The following RAD51B variants were observed in gnomAD, a reference collection of about 807,000 sequenced individuals.
RAD51B encodes the protein RAD51 paralog B.
A neutral mutation model predicts 42.2 loss-of-function variants in RAD51B; 38 were observed. The observed-to-expected ratio is 0.90, with a 90% CI of 0.70 to 1.18. The LOEUF is 1.18. RAD51B is among the 50% of genes most tolerant of loss of function. RAD51B has a pLI of 0.00. For synonymous variants in RAD51B, 154 were observed against 145.2 expected (o/e 1.06, Z -0.43); for missense variants, 373 against 400.7 (o/e 0.93, Z 0.59).
At chr14:68,638,196 CAT>C (rs1488574669) in intron 10 of RAD51B, among the ~76,000 whole-genome samples, 2 of 152,340 alleles carry the variant, frequency 1.3e-5, no homozygotes, top group South Asian at 2.1e-4. Context: ...CACATTCACA[CAT>C]GTGTAGGCCA....
chr14:68,600,453 A>G (rs886494758), downstream of RAD51B, among the ~76,000 whole-genome samples: 35 of 152,160 alleles, frequency 2.3e-4, no homozygotes, highest in Admixed American at 4.6e-4. Flanking sequence ...ATCCCACAGG[A>G]GCCAGCCCTC....
intron 7 of RAD51B, among the ~76,000 whole-genome samples, chr14:67,956,577 C>T (rs1030042414): frequency 2.6e-5 from 4 of 152,064 alleles, no homozygotes; most frequent in Admixed American, 6.5e-5. Context: ...TTCCTTTTCT[C>T]GAAAAGTATG....
chr14:68,331,134 C>T (rs1055864719), intron 8 of RAD51B, among the ~76,000 whole-genome samples: 10 of 151,822 alleles, frequency 6.6e-5, no homozygotes, highest in East Asian at 3.9e-4. Context: ...AAGGCCAAGG[C>T]GGGTAGATCA....
intron 7 of RAD51B, among the ~76,000 whole-genome samples, chr14:68,255,411 A>G (rs148287995): frequency 1.6e-3 from 245 of 152,284 alleles, no homozygotes; most frequent in African/African-American, 5.7e-3. Flanking sequence ...AAGCCCTTGT[A>G]CCCTGGTTCT....
chr14:68,187,020 C>T (rs938162499), intron 7 of RAD51B, among the ~76,000 whole-genome samples: 2 of 152,178 alleles, frequency 1.3e-5, no homozygotes, highest in African/African-American at 4.8e-5. Context: ...GAATACTATG[C>T]AGCCATAAAA....
At chr14:68,523,655 T>A (rs1470964464) in intron 10 of RAD51B, among the ~76,000 whole-genome samples, 1 of 152,178 alleles carries the variant, frequency 6.6e-6, no homozygotes, top group Non-Finnish European at 1.5e-5. Context: ...TGGGCTTTGA[T>A]GTCTACCCTC....
rs1304443564 is a variant in RAD51B, at chr14:68,351,498, A to G, written c.853+59518A>G. The stretch of plus-strand genomic sequence containing the variant: ...TCTAGAGGAGGAACAACCAGGAATC[A>G]AAGAAGCCCAAAGTAAATAACAAAT... On this transcript the variant is annotated intron_variant, in intron 8 of 10. Transcript: ENST00000471583. Among the ~76,000 whole-genome samples the G allele has an allele frequency of 5.3e-5, 8 of 152,240 alleles. No individual in the cohort carries two copies. The South Asian group carries it at 1.4e-3, about 28-fold the overall frequency.
At chr14:68,298,561 C>T (rs1469381450) in intron 8 of RAD51B, among the ~76,000 whole-genome samples, 1 of 152,102 alleles carries the variant, frequency 6.6e-6, no homozygotes, top group Non-Finnish European at 1.5e-5. Context: ...ATCTTTTTAC[C>T]GTCTAGAATT....
intron 7 of RAD51B, among the ~76,000 whole-genome samples, chr14:67,973,567 C>G: frequency 6.6e-6 from 1 of 152,038 alleles, no homozygotes; most frequent in South Asian, 2.1e-4. Flanking sequence ...AAAGAAAACC[C>G]AAATCCAAAC....
intron 7 of RAD51B, among the ~76,000 whole-genome samples, chr14:68,017,294 C>T (rs374663237): frequency 2.6e-5 from 4 of 152,054 alleles, no homozygotes; most frequent in African/African-American, 9.7e-5. Flanking sequence ...CTCCTAGGTT[C>T]AAGTTATTCT....
chr14:68,477,557 A>G (rs1882769640), intron 10 of RAD51B, 91 bp from the exon 11 acceptor site: 1 of 1,432,124 alleles, frequency 7.0e-7, no homozygotes. Flanking sequence ...CTGTTGGAGG[A>G]AAGTTCCATT....
chr14:68,111,291 T>C (rs1292898643), intron 7 of RAD51B, among the ~76,000 whole-genome samples: 1 of 152,092 alleles, frequency 6.6e-6, no homozygotes. Context: ...TGAAACGGTT[T>C]GCACACTAAA....
intron 10 of RAD51B, among the ~76,000 whole-genome samples, chr14:68,590,408 C>T (rs2140076009): frequency 6.6e-6 from 1 of 152,354 alleles, no homozygotes; most frequent in African/African-American, 2.4e-5. Flanking sequence ...CCTGTAACTG[C>T]CCCCAGCTTG....
At chr14:68,673,788 C>G (rs150821634) in intron 11 of RAD51B, among the ~76,000 whole-genome samples, 2,138 of 151,430 alleles carry the variant, frequency 0.014, 39 homozygotes, top group African/African-American at 0.05. Context: ...CATACACATA[C>G]TATATGCACA....
At chr14:68,468,038 GTTT>G (rs74865050) in intron 9 of RAD51B, 131 bp from the exon 10 acceptor site, 1 of 588,786 alleles carries the variant, frequency 1.7e-6, no homozygotes. Context: ...TTATAAAATG[GTTT>G]TTTTTTTTTT....
At chr14:68,246,304 A>G (rs868837705) in intron 7 of RAD51B, among the ~76,000 whole-genome samples, 5 of 147,708 alleles carry the variant, frequency 3.4e-5, no homozygotes, top group African/African-American at 1.0e-4. Flanking sequence ...GAAAGCCTTG[A>G]AAAAAAAAAA....
chr14:68,029,655 A>T (rs2076010041), intron 7 of RAD51B, among the ~76,000 whole-genome samples: 1 of 152,186 alleles, frequency 6.6e-6, no homozygotes, highest in Admixed American at 6.5e-5. Context: ...GTAATGCATG[A>T]CAGCTGGAAT....
intron 10 of RAD51B, among the ~76,000 whole-genome samples, chr14:68,529,666 C>G (rs1406307334): frequency 6.6e-6 from 1 of 152,154 alleles, no homozygotes; most frequent in Non-Finnish European, 1.5e-5. Context: ...TCTACAAAAT[C>G]TCTAGGATAG....
chr14:68,332,793 T>A (rs1436711759), intron 8 of RAD51B, among the ~76,000 whole-genome samples: 1 of 152,256 alleles, frequency 6.6e-6, no homozygotes, highest in African/African-American at 2.4e-5. Context: ...TTAGTTTCAT[T>A]TGTTCTTTTC....
Sources: allele counts gnomAD v4.1 joint callset (sites outside exome capture counted in the v4.1 genomes callset), GRCh38; gene constraint gnomAD v4.1.1; transcripts MANE v1.5; gene names NCBI Gene and HGNC (gene_info 2026-07-23, HGNC 2026-07-21).